ARL4A: variants seen among roughly 807,000 people sequenced by gnomAD.
The protein encoded by ARL4A is ARF like GTPase 4A.
A neutral mutation model predicts 13.9 loss-of-function variants in ARL4A; 5 were observed. That is an observed-to-expected ratio of 0.36 (90% confidence interval 0.19 to 0.75). The LOEUF is 0.75. ARL4A is among the 30% of genes least tolerant of loss of function. The pLI is 0.53. For synonymous variants in ARL4A, 77 were observed against 84.4 expected, an observed-to-expected ratio of 0.91 and a Z score of 0.48; for missense variants, 147 against 225.8, an observed-to-expected ratio of 0.65 and a Z score of 2.24.
Position 12,688,834 on chromosome 7 carries a change from C to G in ARL4A, c.580C>G (p.Arg194Gly). The G allele has an allele frequency of 6.2e-7, 1 of 1,605,458 alleles. No individual in the cohort carries two copies. The highest frequency in any genetic ancestry group is 8.5e-7 in the Non-Finnish European group (1 of 1,177,042). ...GATCATTAAAAGAAGAAAAATGTTGCGGCAACAGAAAAAGAAAAGATGAAT... is the reference window on the plus strand; with the variant it reads ...GATCATTAAAAGAAGAAAAATGTTGGGGCAACAGAAAAAGAAAAGATGAAT... ...DMIIKRRKML[R>G]QQKKKR Residue 194 changes from arginine to glycine, a missense_variant, in exon 2 of 2, where the codon CGG (arginine) becomes GGG (glycine). Transcript: ENST00000651779. The surrounding 1 kb of genome is among the most constrained non-coding windows in gnomAD (Gnocchi z 5.2).
chr7:12,687,398 C>G (rs891288750), upstream of ARL4A: 2 of 152,260 alleles, frequency 1.3e-5, no homozygotes, highest in South Asian at 4.1e-4. The surrounding 1 kb of genome is among the most constrained non-coding windows in gnomAD (Gnocchi z 5.6). Context: ...GCTCGGCTCC[C>G]TCTGGGAACG....
At position 12,690,862 on chromosome 7, in the gene ARL4A, T is replaced by C. The variant is rs544960641; in HGVS notation, c.*2005T>C. ...TAAGTACGTAAACAAATTAATGTTA[T>C]CTAAGTTTTTCATATTTCATGGACA... On this transcript the variant is annotated 3_prime_UTR_variant, in exon 2 of 2. Transcript: ENST00000651779. 6.0e-6 allele frequency: 1 copy of C among 167,086 alleles called. No homozygotes were observed. The highest frequency in any genetic ancestry group is 2.1e-4 in the South Asian group (1 of 4,832). 10.4% of individuals were successfully genotyped at this position (167,086 alleles called of 1,614,324 possible). A position where few individuals can be genotyped will look rare whatever the true frequency, so the allele number is the denominator to read the frequency against.
In ARL4A at chr7:12,688,992, G is replaced by T; in HGVS notation, c.*135G>T. 1 of 861,682 alleles carries T rather than the reference G, an allele frequency of 1.2e-6. No homozygotes were observed. Among genetic ancestry groups the T allele is most frequent in the Non-Finnish European group, 1.8e-6 (1 of 554,984 alleles). 53.4% of individuals were successfully genotyped at this position (861,682 alleles called of 1,614,324 possible). A position where few individuals can be genotyped will look rare whatever the true frequency, so the allele number is the denominator to read the frequency against. ...AAAGCTTTGTTTTGTTGAACAATCAGATGCCCAACTCTGTTGCCTTGTGGA... is the reference window on the plus strand; with the variant it reads ...AAAGCTTTGTTTTGTTGAACAATCATATGCCCAACTCTGTTGCCTTGTGGA... On this transcript the variant is annotated 3_prime_UTR_variant, in exon 2 of 2. Transcript: ENST00000651779. This position sits in a 1 kb window ranked among gnomAD's most constrained non-coding sequence, Gnocchi z 5.2.
In ARL4A at chr7:12,688,209, A is replaced by G; in HGVS notation, c.-46A>G. 3.9e-6 allele frequency: 6 copies of G among 1,525,124 alleles called. No individual in the cohort carries two copies. In the East Asian group the frequency reaches 6.8e-5, roughly 17 times the overall value. The allele number at this position is 1,525,124 out of a possible 1,614,324, so 94.5% of individuals were successfully genotyped here. On this transcript the variant is annotated 5_prime_UTR_variant, in exon 2 of 2. Coordinates refer to ENST00000651779, the MANE Select transcript of ARL4A (RefSeq NM_005738.5). The surrounding 1 kb of genome is among the most constrained non-coding windows in gnomAD (Gnocchi z 5.2). ...AGCTACCAAGAGAAGTTGTAAACCA[A>G]GAAGAGAAAAGCATTTCAATTTGGG...
rs1013763847 is a variant in ARL4A, at chr7:12,688,925, G to A, written c.*68G>A. On this transcript the variant is annotated 3_prime_UTR_variant, in exon 2 of 2. Transcript: ENST00000651779. The surrounding 1 kb of genome is among the most constrained non-coding windows in gnomAD (Gnocchi z 5.2). Reference sequence around the variant, plus strand: ...GTCTGATTTTGACAAATAGAAGAGTGTCTACAGCGTGGTTTGCCTGTCTGC... The same window carrying A: ...GTCTGATTTTGACAAATAGAAGAGTATCTACAGCGTGGTTTGCCTGTCTGC... 5.5e-6 allele frequency: 8 copies of A among 1,464,704 alleles called. No individual in the cohort carries two copies. The highest frequency in any genetic ancestry group is 7.4e-6 in the Non-Finnish European group (8 of 1,086,462). 90.7% of individuals were successfully genotyped at this position (1,464,704 alleles called of 1,614,324 possible). A position where few individuals can be genotyped will look rare whatever the true frequency, so the allele number is the denominator to read the frequency against.
chr7:12,687,362 G>A (rs1393749624), upstream of ARL4A: 1 of 152,268 alleles, frequency 6.6e-6, no homozygotes, highest in Non-Finnish European at 1.5e-5. This position sits in a 1 kb window ranked among gnomAD's most constrained non-coding sequence, Gnocchi z 5.6. Flanking sequence ...CTGACCGCCC[G>A]AGGCTCCCCT....
At position 12,688,441 on chromosome 7, in the gene ARL4A, T is replaced by G; in HGVS notation, c.187T>G (p.Leu63Val). 1 of 1,613,258 alleles carries G rather than the reference T, an allele frequency of 6.2e-7. No individual in the cohort carries two copies. Among genetic ancestry groups the G allele is most frequent in the Non-Finnish European group, 8.5e-7 (1 of 1,179,862 alleles). Residue 63 changes from leucine to valine, a missense_variant, in exon 2 of 2, where the codon TTG becomes GTG. Transcript: ENST00000651779. The surrounding 1 kb of genome is among the most constrained non-coding windows in gnomAD (Gnocchi z 5.2). Reference protein sequence around the residue: ...GFNTEKIKVTLGNSKTVTFHF... With the variant: ...GFNTEKIKVTVGNSKTVTFHF... ...TAACACTGAGAAAATTAAGGTAACC[T>G]TGGGAAATTCTAAAACAGTCACTTT...
upstream of ARL4A, chr7:12,687,246 A>C (rs892917698): frequency 1.3e-5 from 2 of 152,104 alleles, no homozygotes; most frequent in Non-Finnish European, 2.9e-5. The surrounding 1 kb of genome is among the most constrained non-coding windows in gnomAD (Gnocchi z 5.6). Context: ...CAAAGGGTTA[A>C]CGCGTTGGCA....
rs113067734 is a variant in ARL4A, at chr7:12,690,223, A to G, written c.*1366A>G. ...CAGCTTATTTTTTATGTCTAAAGCA[A>G]CAGCTGTTCTGAAAAATCACCAAAA... On this transcript the variant is annotated 3_prime_UTR_variant, in exon 2 of 2. Coordinates refer to ENST00000651779, the MANE Select transcript of ARL4A (RefSeq NM_005738.5). 2.6e-4 allele frequency: 44 copies of G among 167,090 alleles called. 1 individual carries two copies. Among genetic ancestry groups the G allele is most frequent in the African/African-American group, 9.1e-4 (38 of 41,556 alleles). The allele number at this position is 167,090 out of a possible 1,614,324, so 10.4% of individuals were successfully genotyped here.
Position 12,688,889 on chromosome 7 carries a change from G to C in ARL4A, c.*32G>C. On this transcript the variant is annotated 3_prime_UTR_variant, in exon 2 of 2. Transcript: ENST00000651779. This position sits in a 1 kb window ranked among gnomAD's most constrained non-coding sequence, Gnocchi z 5.2. Reference sequence around the variant, plus strand: ...ATACCTATTATATCTGTGTGGAGTAGGTTTTCTCTGGTCTGATTTTGACAA... The same window carrying C: ...ATACCTATTATATCTGTGTGGAGTACGTTTTCTCTGGTCTGATTTTGACAA... 1 of 1,552,490 alleles carries C rather than the reference G, an allele frequency of 6.4e-7. No homozygotes were observed. Among genetic ancestry groups the C allele is most frequent in the Non-Finnish European group, 8.7e-7 (1 of 1,151,422 alleles).
In ARL4A at chr7:12,688,964, A is replaced by T. The variant is rs1300053318; in HGVS notation, c.*107A>T. 1 of 1,164,964 alleles carries T rather than the reference A, an allele frequency of 8.6e-7. No homozygotes were observed. Among genetic ancestry groups the T allele is most frequent in the African/African-American group, 1.6e-5 (1 of 64,372 alleles). 72.2% of individuals were successfully genotyped at this position (1,164,964 alleles called of 1,614,324 possible). On this transcript the variant is annotated 3_prime_UTR_variant, in exon 2 of 2. Coordinates refer to ENST00000651779, the MANE Select transcript of ARL4A (RefSeq NM_005738.5). The surrounding 1 kb of genome is among the most constrained non-coding windows in gnomAD (Gnocchi z 5.2). ...TTGCCTGTCTGCCCTCCTGGATGCT[A>T]TTAAAGCTTTGTTTTGTTGAACAAT... is the stretch of plus-strand genomic sequence containing the variant.
chr7:12,690,305 T>G lies in ARL4A; in HGVS notation c.*1448T>G, dbSNP rs1195112099. 6 of 166,432 alleles carry G rather than the reference T, an allele frequency of 3.6e-5. No homozygotes were observed. The highest frequency in any genetic ancestry group is 8.8e-5 in the Non-Finnish European group (6 of 68,004). The allele number at this position is 166,432 out of a possible 1,614,324, so 10.3% of individuals were successfully genotyped here. On this transcript the variant is annotated 3_prime_UTR_variant, in exon 2 of 2. Coordinates refer to ENST00000651779, the MANE Select transcript of ARL4A (RefSeq NM_005738.5). ...GCTTTGGGTTTTGTTTTTTTGTTTT[T>G]TTTTTTTTTCAGTGGCATAACAGTT...
chr7:12,687,137 C>T (rs920052092), upstream of ARL4A: 1 of 152,230 alleles, frequency 6.6e-6, no homozygotes, highest in Non-Finnish European at 1.5e-5. This position sits in a 1 kb window ranked among gnomAD's most constrained non-coding sequence, Gnocchi z 5.6. Flanking sequence ...AGGGATCCCA[C>T]TTCGGGGAGG....
rs1784579580 is a variant in ARL4A at position 12,689,269 on chromosome 7, G to A, written c.*412G>A. On this transcript the variant is annotated 3_prime_UTR_variant, in exon 2 of 2. Coordinates refer to ENST00000651779, the MANE Select transcript of ARL4A (RefSeq NM_005738.5). ...TTGTAACGATCAAGTGCTAATCGAT[G>A]GAAATGTTAAGGTAGATTAACATAT... The A allele has an allele frequency of 1.1e-5, 2 of 181,242 alleles. No individual in the cohort carries two copies. The highest frequency in any genetic ancestry group is 2.6e-5 in the Non-Finnish European group (2 of 76,346). 11.2% of individuals were successfully genotyped at this position (181,242 alleles called of 1,614,324 possible).
rs1369398576 is a variant in ARL4A at position 12,690,564 on chromosome 7, G to C, written c.*1707G>C. 1 of 165,694 alleles carries C rather than the reference G, an allele frequency of 6.0e-6. No individual in the cohort carries two copies. The highest frequency in any genetic ancestry group is 1.5e-5 in the Non-Finnish European group (1 of 68,008). 10.3% of individuals were successfully genotyped at this position (165,694 alleles called of 1,614,324 possible). ...TCAGATGTGTAAAAACAATTGACCA[G>C]CTAGGCTATTTAGTCCCATAGTAGT... On this transcript the variant is annotated 3_prime_UTR_variant, in exon 2 of 2. Coordinates refer to ENST00000651779, the MANE Select transcript of ARL4A (RefSeq NM_005738.5).
rs754931214 is a variant in ARL4A at position 12,688,475 on chromosome 7, G to C, written c.221G>C (p.Trp74Ser). ...TCTAAAACAGTCACTTTTCACTTCT[G>C]GGATGTAGGTGGTCAGGAGAAATTA... The part of the protein sequence containing the change: ...GNSKTVTFHF[W>S]DVGGQEKLRP... The change falls in exon 2 of 2, where the codon TGG (tryptophan) becomes TCG (serine). Residue 74 changes from tryptophan (W) to serine (S), a missense_variant. Physicochemically the swap from Trp to Ser is radical, Grantham distance 177. Transcript: ENST00000651779. The surrounding 1 kb of genome is among the most constrained non-coding windows in gnomAD (Gnocchi z 5.2). The C allele has an allele frequency of 6.2e-7, 1 of 1,612,132 alleles. No individual in the cohort carries two copies. Among genetic ancestry groups the C allele is most frequent in the African/African-American group, 1.3e-5 (1 of 74,846 alleles).
In ARL4A at chr7:12,688,300, C is replaced by T. The variant is rs1784559409; in HGVS notation, c.46C>T (p.Pro16Ser). Residue 16 changes from proline (P) to serine (S), a missense_variant, in exon 2 of 2, where the codon CCT becomes TCT. Transcript: ENST00000651779. The surrounding 1 kb of genome is among the most constrained non-coding windows in gnomAD (Gnocchi z 5.2). ...SDQTSILSNLPSFQSFHIVIL... is the reference protein window; with the variant it reads ...SDQTSILSNLSSFQSFHIVIL... Reference sequence around the variant, plus strand: ...CCAGACTTCTATCCTGTCCAACCTGCCTTCATTTCAGTCTTTCCACATTGT... The same window carrying T: ...CCAGACTTCTATCCTGTCCAACCTGTCTTCATTTCAGTCTTTCCACATTGT... 1 of 1,612,490 alleles carries T rather than the reference C, an allele frequency of 6.2e-7. No homozygotes were observed. The highest frequency in any genetic ancestry group is 1.7e-5 in the Admixed American group (1 of 59,872).
In ARL4A at chr7:12,689,733, TGAA is replaced by T. The variant is rs1217700426; in HGVS notation, c.*881_*883del. Reference sequence around the variant, plus strand: ...TGCACTGGATACATATATGGATTTATGAAGAAGGCGATTTAGTCAAGAGGATGT... The same window carrying T: ...TGCACTGGATACATATATGGATTTATGAAGGCGATTTAGTCAAGAGGATGT... On this transcript the variant is annotated 3_prime_UTR_variant, in exon 2 of 2. Transcript: ENST00000651779. 12 of 166,962 alleles carry T rather than the reference TGAA, an allele frequency of 7.2e-5. No homozygotes were observed. Among genetic ancestry groups the T allele is most frequent in the East Asian group, 5.8e-4 (3 of 5,210 alleles). 10.3% of individuals were successfully genotyped at this position (166,962 alleles called of 1,614,324 possible).
chr7:12,688,110 A>C lies in ARL4A; in HGVS notation c.-89-56A>C, dbSNP rs574987322. 1 of 1,263,124 alleles carries C rather than the reference A, an allele frequency of 7.9e-7. No homozygotes were observed. The highest frequency in any genetic ancestry group is 2.4e-5 in the East Asian group (1 of 41,864). The allele number at this position is 1,263,124 out of a possible 1,614,324, so 78.2% of individuals were successfully genotyped here. A position where few individuals can be genotyped will look rare whatever the true frequency, so the allele number is the denominator to read the frequency against. On this transcript the variant is annotated intron_variant, in intron 1 of 1. Coordinates refer to ENST00000651779, the MANE Select transcript of ARL4A (RefSeq NM_005738.5). This position sits in a 1 kb window ranked among gnomAD's most constrained non-coding sequence, Gnocchi z 5.2. ...TGTTTATTTTAGCAAAGTAGAGCAAACCTGTTTTAATGTATTATTTCGGGA... is the reference window on the plus strand; with the variant it reads ...TGTTTATTTTAGCAAAGTAGAGCAACCCTGTTTTAATGTATTATTTCGGGA...
Sources: allele counts gnomAD v4.1 joint callset, GRCh38; gene constraint gnomAD v4.1.1; non-coding constraint Gnocchi (gnomAD v3.1); transcripts MANE v1.5; gene names NCBI Gene and HGNC (gene_info 2026-07-23, HGNC 2026-07-21).